TSPAN5: variants seen among roughly 807,000 people sequenced by gnomAD.
TSPAN5 encodes the protein tetraspanin-5.
In TSPAN5, 10 loss-of-function variants were observed where a neutral mutation model predicts 37.1. The observed-to-expected ratio is 0.27, with a 90% confidence interval of 0.17 to 0.46. The LOEUF (loss-of-function observed/expected upper bound fraction) is 0.46. Among genes scored for constraint, TSPAN5 ranks in the 20% least tolerant of loss-of-function variants. The pLI, the probability that TSPAN5 is intolerant of heterozygous loss-of-function variation, is 1.00. For synonymous variants in TSPAN5, 110 were observed against 118.9 expected (o/e 0.93, Z 0.48); for missense variants, 195 against 326.6 (o/e 0.60, Z 3.11).
chr4:98,650,760 G>A (rs1471891754), intron 1 of TSPAN5, among the ~76,000 whole-genome samples: 1 of 152,156 alleles, frequency 6.6e-6, no homozygotes, highest in Non-Finnish European at 1.5e-5. Flanking sequence ...AGAAATGTCT[G>A]ATACAAAAGA....
intron 1 of TSPAN5, among the ~76,000 whole-genome samples, chr4:98,613,654 C>T (rs1304785474): frequency 6.6e-6 from 1 of 151,868 alleles, no homozygotes; most frequent in African/African-American, 2.4e-5. Flanking sequence ...ATTCTCTAGT[C>T]CCTATTGTAA....
chr4:98,524,645 G>C (rs1028721538), intron 1 of TSPAN5, among the ~76,000 whole-genome samples: 2 of 151,634 alleles, frequency 1.3e-5, no homozygotes, highest in African/African-American at 4.9e-5. Flanking sequence ...TGCTTCCTTT[G>C]ACACACACTT....
rs141675969 is a variant in TSPAN5, at chr4:98,561,895, G to A, written c.82-54167C>T. 2.7e-3 allele frequency among the ~76,000 whole-genome samples: 404 copies of A among 152,280 alleles called. 6 individuals carry two copies. The highest frequency in any genetic ancestry group is 9.3e-3 in the African/African-American group (386 of 41,562). The stretch of plus-strand genomic sequence containing the variant: ...AGTGGGGTCACTACACCGTCGCTGC[G>A]TCCTGAAATTCCAGCAGACACTGTC... On this transcript the variant is annotated intron_variant, in intron 1 of 7. Coordinates refer to ENST00000305798, the MANE Select transcript of TSPAN5 (RefSeq NM_005723.4).
chr4:98,602,884 A>C (rs1044103889), intron 1 of TSPAN5, among the ~76,000 whole-genome samples: 30 of 152,224 alleles, frequency 2.0e-4, no homozygotes, highest in Non-Finnish European at 1.6e-4. Flanking sequence ...CAGCAATGCA[A>C]TAAAGTGAAG....
intron 1 of TSPAN5, among the ~76,000 whole-genome samples, chr4:98,651,078 A>C (rs1050975198): frequency 1.3e-5 from 2 of 152,220 alleles, no homozygotes; most frequent in Non-Finnish European, 2.9e-5. Context: ...AGAAAAGAGT[A>C]ACTATATGGT....
At chr4:98,485,295 AG>A (rs1752936153) in intron 3 of TSPAN5, 2 of 152,508 alleles carry the variant, frequency 1.3e-5, no homozygotes, top group African/African-American at 4.8e-5. Context: ...GGTGGCAATC[AG>A]GGACAGAGCT....
At chr4:98,529,509 T>C (rs1754035960) in intron 1 of TSPAN5, among the ~76,000 whole-genome samples, 2 of 152,144 alleles carry the variant, frequency 1.3e-5, no homozygotes, top group Non-Finnish European at 2.9e-5. Flanking sequence ...GTCATTTCAA[T>C]AAAGTTTCAG....
intron 1 of TSPAN5, among the ~76,000 whole-genome samples, chr4:98,575,413 C>A (rs937961213): frequency 1.3e-5 from 2 of 148,558 alleles, no homozygotes; most frequent in Non-Finnish European, 1.5e-5. Context: ...TTCAATGAGA[C>A]AATATAACTC....
intron 1 of TSPAN5, among the ~76,000 whole-genome samples, chr4:98,616,487 G>A (rs1756340380): frequency 6.6e-6 from 1 of 152,084 alleles, no homozygotes; most frequent in Non-Finnish European, 1.5e-5. Flanking sequence ...GACAAGAGCT[G>A]TTTAAAAACA....
chr4:98,555,346 A>T (rs1754717352), intron 1 of TSPAN5, among the ~76,000 whole-genome samples: 1 of 152,112 alleles, frequency 6.6e-6, no homozygotes, highest in Admixed American at 6.5e-5. Context: ...CATCCTGCTA[A>T]TTGCATCTCT....
chr4:98,638,772 G>A (rs1756908230), intron 1 of TSPAN5, among the ~76,000 whole-genome samples: 1 of 152,130 alleles, frequency 6.6e-6, no homozygotes, highest in Non-Finnish European at 1.5e-5. Context: ...ATAGAAGCTG[G>A]CAGAAGACAT....
intron 2 of TSPAN5, among the ~76,000 whole-genome samples, chr4:98,491,948 C>T (rs2110270258): frequency 6.6e-6 from 1 of 152,020 alleles, no homozygotes; most frequent in Middle Eastern, 3.4e-3. Context: ...GTCTGCCAAG[C>T]AATTTAAAAC....
chr4:98,615,057 G>T (rs1284985610), intron 1 of TSPAN5, among the ~76,000 whole-genome samples: 2 of 152,204 alleles, frequency 1.3e-5, no homozygotes, highest in Non-Finnish European at 2.9e-5. Context: ...TTTCAAGGAG[G>T]AAAGAGTCAC....
intron 1 of TSPAN5, among the ~76,000 whole-genome samples, chr4:98,581,688 AAAAAG>A (rs1364920018): frequency 6.6e-6 from 1 of 152,216 alleles, no homozygotes; most frequent in African/African-American, 2.4e-5. Flanking sequence ...GCTGCACATT[AAAAAG>A]AAAAGGGTAA....
At chr4:98,645,826 T>A (rs1314229611) in intron 1 of TSPAN5, among the ~76,000 whole-genome samples, 1 of 152,178 alleles carries the variant, frequency 6.6e-6, no homozygotes, top group Non-Finnish European at 1.5e-5. Flanking sequence ...AAGCTAGAGA[T>A]GACTTTAAAT....
At chr4:98,535,003 T>C (rs1383620256) in intron 1 of TSPAN5, among the ~76,000 whole-genome samples, 2 of 152,240 alleles carry the variant, frequency 1.3e-5, no homozygotes, top group African/African-American at 4.8e-5. Context: ...AGTCTGTGTC[T>C]TTTAATTGGG....
At chr4:98,598,207 C>T (rs1440053695) in intron 1 of TSPAN5, among the ~76,000 whole-genome samples, 1 of 141,022 alleles carries the variant, frequency 7.1e-6, no homozygotes, top group Admixed American at 7.0e-5. Flanking sequence ...TTTCCAGGTG[C>T]GTCCGTCACC....
intron 2 of TSPAN5, among the ~76,000 whole-genome samples, chr4:98,504,978 C>A (rs1023182042): frequency 6.6e-6 from 1 of 152,106 alleles, no homozygotes; most frequent in Non-Finnish European, 1.5e-5. Context: ...CTGGCTATGT[C>A]CTTACCTGGC....
chr4:98,512,962 G>T (rs1753642508), intron 1 of TSPAN5, among the ~76,000 whole-genome samples: 2 of 152,122 alleles, frequency 1.3e-5, no homozygotes, highest in Admixed American at 6.5e-5. Flanking sequence ...AACAAATAAG[G>T]CCAAAGAAAC....
Sources: gnomAD v4.1 joint callset for allele counts (sites outside exome capture counted in the v4.1 genomes callset) on GRCh38, gnomAD v4.1.1 for gene constraint, MANE v1.5 for transcripts, NCBI Gene and HGNC (gene_info 2026-07-23, HGNC 2026-07-21) for gene names.